The following PATL2 variants were observed in gnomAD, a reference collection of about 807,000 sequenced individuals.
PATL2 encodes the protein PAT1 homolog 2.
A neutral mutation model predicts 77.0 loss-of-function variants in PATL2; 73 were observed. That is an observed-to-expected ratio of 0.95 (90% confidence interval 0.78 to 1.15). The LOEUF is 1.15. Ranked by LOEUF, PATL2 falls within the 50% of genes most tolerant of loss-of-function variation. The pLI is 0.00. For missense variants in PATL2, 618 were observed against 655.4 expected (o/e 0.94, Z 0.62); for synonymous variants, 265 against 257.1 (o/e 1.03, Z -0.29).
chr15:44,669,132 C>T lies in PATL2; in HGVS notation c.1072G>A (p.Ala358Thr), dbSNP rs1250103357. 1 of 1,540,224 alleles carries T rather than the reference C, an allele frequency of 6.5e-7. No individual in the cohort carries two copies. The change falls in exon 14 of 18, where the codon GCA becomes ACA. Residue 358 changes from alanine to threonine, a missense_variant. Coordinates refer to ENST00000682850, the MANE Select transcript of PATL2 (RefSeq NM_001387263.1). ...TQEQNNLEEA[A>T]DGFLQVLSVR... ...GAGAGCACCTGCAGGAAGCCATCTG[C>T]TGCCTCTCTGCAAGGGAGAGAGGAG...
rs749598645 is a variant in PATL2, at chr15:44,674,198, G to A, written c.255C>T (p.Ala85=). The change falls in exon 6 of 18, where the codon GCC becomes GCT. Residue 85 remains alanine, a synonymous_variant. Coordinates refer to ENST00000682850, the MANE Select transcript of PATL2 (RefSeq NM_001387263.1). ...RALLSSPGVK[A]PGMLGMSLAS... ...CAAGTGACATTCCCAGCATACCAGGGGCCTTGACTCCAGGGGAGCTAAGCA... is the reference window on the plus strand; with the variant it reads ...CAAGTGACATTCCCAGCATACCAGGAGCCTTGACTCCAGGGGAGCTAAGCA... The A allele has an allele frequency of 7.1e-5, 110 of 1,550,692 alleles. No individual in the cohort carries two copies. The highest frequency in any genetic ancestry group is 8.9e-5 in the Non-Finnish European group (102 of 1,146,284).
At chr15:44,685,864 TA>T (rs1280329082) in intron 3 of PATL2, among the ~76,000 whole-genome samples, 1 of 152,186 alleles carries the variant, frequency 6.6e-6, no homozygotes, top group African/African-American at 2.4e-5. Context: ...CTAACTATCC[TA>T]AATATATATG....
At chr15:44,702,866 C>T (rs112034072) in intron 3 of PATL2, among the ~76,000 whole-genome samples, 7,176 of 152,048 alleles carry the variant, frequency 0.047, 619 homozygotes, top group African/African-American at 0.17. Flanking sequence ...TGATATAATT[C>T]CAATTTTTTA....
At chr15:44,676,283 T>C in intron 4 of PATL2, 192 bp downstream of exon 4, 1 of 608,120 alleles carries the variant, frequency 1.6e-6, no homozygotes, top group South Asian at 1.9e-5. Flanking sequence ...TGTTGATAAT[T>C]TTACTAGGTT....
intron 4 of PATL2, 190 bp from the exon 5 acceptor site, chr15:44,675,881 G>A (rs1251766136): frequency 1.2e-5 from 7 of 573,838 alleles, no homozygotes; most frequent in African/African-American, 3.8e-5. Flanking sequence ...CCATCCCCCA[G>A]TAAGTCAAAT....
intron 6 of PATL2, 132 bp downstream of exon 6, chr15:44,674,018 A>T (rs748681245): frequency 5.0e-6 from 4 of 792,404 alleles, no homozygotes; most frequent in Non-Finnish European, 8.0e-6. Flanking sequence ...CTCCTCTATG[A>T]TGGGGCAACT....
chr15:44,670,099 C>A lies in PATL2; in HGVS notation c.658-12G>T. ...TTCTGGTAATATTCCTGAGAATGCACGGAATAGGAAACAAAAAAACAAAAC... is the reference window on the plus strand; with the variant it reads ...TTCTGGTAATATTCCTGAGAATGCAAGGAATAGGAAACAAAAAAACAAAAC... On this transcript the variant is annotated splice_polypyrimidine_tract_variant and intron_variant, in intron 9 of 17. Transcript: ENST00000682850. 1 of 1,551,014 alleles carries A rather than the reference C, an allele frequency of 6.4e-7. No homozygotes were observed. The highest frequency in any genetic ancestry group is 1.2e-5 in the South Asian group (1 of 83,906).
At chr15:44,668,146 C>T (rs2085476598) in intron 15 of PATL2, among the ~76,000 whole-genome samples, 196 bp downstream of exon 15, 1 of 152,144 alleles carries the variant, frequency 6.6e-6, no homozygotes, top group Non-Finnish European at 1.5e-5. Flanking sequence ...GGCCCCACCC[C>T]AGACCTACTG....
chr15:44,708,484 C>T (rs540666980), intron 3 of PATL2, among the ~76,000 whole-genome samples: 1 of 152,330 alleles, frequency 6.6e-6, no homozygotes, highest in East Asian at 1.9e-4. Flanking sequence ...TCCTTTCCCT[C>T]TAGAAACCAC....
At chr15:44,696,384 G>A (rs938864771) in intron 3 of PATL2, among the ~76,000 whole-genome samples, 4 of 152,106 alleles carry the variant, frequency 2.6e-5, no homozygotes, top group African/African-American at 9.7e-5. Flanking sequence ...GCTTTTAATA[G>A]GCTTATAATT....
intron 3 of PATL2, among the ~76,000 whole-genome samples, chr15:44,703,179 G>A (rs1420827663): frequency 7.2e-5 from 11 of 152,222 alleles, no homozygotes; most frequent in East Asian, 3.9e-4. Context: ...AGGAGGCTGA[G>A]GCAGGAGAAT....
At chr15:44,706,778 G>T (rs1168329540) in intron 3 of PATL2, among the ~76,000 whole-genome samples, 1 of 152,180 alleles carries the variant, frequency 6.6e-6, no homozygotes, top group Non-Finnish European at 1.5e-5. Context: ...TTCACTCAAG[G>T]CCCTATGGCT....
intron 3 of PATL2, among the ~76,000 whole-genome samples, chr15:44,698,821 T>C (rs368678953): frequency 6.6e-6 from 1 of 152,216 alleles, no homozygotes; most frequent in African/African-American, 2.4e-5. Context: ...ACCTCCAAGC[T>C]GTTCTCCCTA....
chr15:44,670,052 G>T lies in PATL2; in HGVS notation c.693C>A (p.Asp231Glu), dbSNP rs577616730. The T allele has an allele frequency of 2.6e-6, 4 of 1,551,340 alleles. No individual in the cohort carries two copies. Among genetic ancestry groups the T allele is most frequent in the Non-Finnish European group, 3.5e-6 (4 of 1,146,942 alleles). Reference sequence around the variant, plus strand: ...GGTTTCTTCGTCCAAGTAGCTCTTCGTCTGCCTGCTTCTTCTCTAGCTTCT... The same window carrying T: ...GGTTTCTTCGTCCAAGTAGCTCTTCTTCTGCCTGCTTCTTCTCTAGCTTCT... ...YYQKLEKKQA[D>E]EELLGRRNRV... The change falls in exon 10 of 18, where the codon GAC becomes GAA. Residue 231 changes from aspartate to glutamate, a missense_variant. Asp to Glu is a conservative substitution (Grantham distance 45). Transcript: ENST00000682850.
Position 44,674,201 on chromosome 15 carries a change from C to T in PATL2, c.252G>A (p.Lys84=), listed in dbSNP as rs373224079. The change falls in exon 6 of 18, where the codon AAG becomes AAA. Residue 84 remains lysine, a synonymous_variant. Transcript: ENST00000682850. ...QRALLSSPGV[K]APGMLGMSLA... is the part of the protein sequence containing the mutation. ...GTGACATTCCCAGCATACCAGGGGC[C>T]TTGACTCCAGGGGAGCTAAGCAGAG... is the stretch of plus-strand genomic sequence containing the variant. 3 of 1,550,692 alleles carry T rather than the reference C, an allele frequency of 1.9e-6. No homozygotes were observed. The South Asian group carries it at 3.6e-5, about 18-fold the overall frequency.
At chr15:44,690,841 T>C (rs2141245725) in intron 3 of PATL2, among the ~76,000 whole-genome samples, 1 of 152,272 alleles carries the variant, frequency 6.6e-6, no homozygotes, top group South Asian at 2.1e-4. Context: ...ATTAACATAA[T>C]GCTGTTGACA....
At chr15:44,708,170 G>T (rs2086778873) in intron 3 of PATL2, among the ~76,000 whole-genome samples, 1 of 152,232 alleles carries the variant, frequency 6.6e-6, no homozygotes, top group Non-Finnish European at 1.5e-5. Flanking sequence ...CTCTTTCAGT[G>T]ATACGAAGTT....
intron 3 of PATL2, among the ~76,000 whole-genome samples, chr15:44,695,599 G>C (rs1194034941): frequency 6.6e-6 from 1 of 152,126 alleles, no homozygotes; most frequent in Non-Finnish European, 1.5e-5. Flanking sequence ...CCAGGGCACC[G>C]GCTGCCGGCT....
intron 10 of PATL2, 39 bp from the exon 11 acceptor site, chr15:44,669,913 C>A (rs1392127071): frequency 6.4e-7 from 1 of 1,550,888 alleles, no homozygotes; most frequent in Non-Finnish European, 8.7e-7. Context: ...CCCCCTCCCA[C>A]ACTCTGTCCA....
Sources: allele counts gnomAD v4.1 joint callset (sites outside exome capture counted in the v4.1 genomes callset), GRCh38; gene constraint gnomAD v4.1.1; transcripts MANE v1.5; gene names NCBI Gene and HGNC (gene_info 2026-07-23, HGNC 2026-07-21).